DOK6: variants seen among roughly 807,000 people sequenced by gnomAD.
DOK6 encodes docking protein 6, also known as downstream of tyrosine kinase 6.
DOK6 carries 22 observed loss-of-function variants against 44.0 expected under a neutral mutation model. That is an observed-to-expected ratio of 0.50 (90% confidence interval 0.36 to 0.71). DOK6 has a LOEUF of 0.71. Ranked by LOEUF, DOK6 falls within the 30% of genes least tolerant of loss-of-function variation. DOK6 has a pLI of 0.00. For missense variants in DOK6, 340 were observed against 416.4 expected (o/e 0.82, Z 1.60); for synonymous variants, 166 against 145.5 (o/e 1.14, Z -1.01).
At chr18:69,475,272 A>C (rs1980228502) in intron 1 of DOK6, among the ~76,000 whole-genome samples, 1 of 152,190 alleles carries the variant, frequency 6.6e-6, no homozygotes, top group Non-Finnish European at 1.5e-5. Context: ...GAAAAACAAA[A>C]GTATTGATCT....
intron 5 of DOK6, among the ~76,000 whole-genome samples, chr18:69,712,098 G>A (rs1237802604): frequency 3.3e-5 from 5 of 149,680 alleles, no homozygotes; most frequent in Non-Finnish European, 5.9e-5. Context: ...CGGCTAAAAC[G>A]GTGAAACCCC....
At chr18:69,462,217 G>T (rs184044274) in intron 1 of DOK6, among the ~76,000 whole-genome samples, 1 of 152,176 alleles carries the variant, frequency 6.6e-6, no homozygotes, top group Admixed American at 6.5e-5. Context: ...CTATCATAAG[G>T]TTTATGAAAC....
intron 1 of DOK6, among the ~76,000 whole-genome samples, chr18:69,513,537 G>T (rs1981433754): frequency 6.6e-6 from 1 of 152,184 alleles, no homozygotes; most frequent in Non-Finnish European, 1.5e-5. Context: ...TAACCAACAT[G>T]ACATTGCTAG....
intron 1 of DOK6, among the ~76,000 whole-genome samples, chr18:69,408,971 G>A (rs369781547): frequency 6.6e-6 from 1 of 152,168 alleles, no homozygotes; most frequent in South Asian, 2.1e-4. Context: ...ACGTTGATGT[G>A]GTTTGGCTGT....
At chr18:69,634,181 AT>A (rs1207366310) in intron 3 of DOK6, among the ~76,000 whole-genome samples, 1 of 152,166 alleles carries the variant, frequency 6.6e-6, no homozygotes, top group Non-Finnish European at 1.5e-5. Context: ...GTCTAGTACA[AT>A]GGTAGTATGG....
chr18:69,600,175 G>C (rs182792343), intron 3 of DOK6, among the ~76,000 whole-genome samples: 4 of 127,920 alleles, frequency 3.1e-5, no homozygotes, highest in Non-Finnish European at 5.3e-5. Context: ...TTTGCAAGAT[G>C]TGAACTTAAA....
rs530742758 is a variant in DOK6, at chr18:69,760,286, C to T, written c.856+2413C>T. ...AAGAAATAAAAAGAGAAATTCAGAA[C>T]CTCAGCACCCTTCCACGAACACGTA... On this transcript the variant is annotated intron_variant, in intron 7 of 7. Transcript: ENST00000382713. Among the ~76,000 whole-genome samples the T allele has an allele frequency of 9.9e-5, 15 of 152,254 alleles. 1 individual carries two copies. The South Asian group carries it at 3.1e-3, about 32-fold the overall frequency.
intron 7 of DOK6, among the ~76,000 whole-genome samples, chr18:69,809,554 TCACACACACAGACACA>T (rs980805402): frequency 2.7e-5 from 2 of 74,682 alleles, no homozygotes; most frequent in African/African-American, 1.0e-4. Context: ...CCCTAAGACT[TCACACACACAGACACA>T]CACACACACA....
intron 3 of DOK6, among the ~76,000 whole-genome samples, chr18:69,607,937 TAAA>T (rs1274931640): frequency 1.3e-5 from 2 of 152,168 alleles, no homozygotes; most frequent in East Asian, 3.8e-4. Context: ...AAAACCCTTA[TAAA>T]GTGACAAGGA....
intron 7 of DOK6, among the ~76,000 whole-genome samples, chr18:69,826,070 T>C (rs1193707288): frequency 6.6e-6 from 1 of 152,186 alleles, no homozygotes; most frequent in African/African-American, 2.4e-5. Flanking sequence ...TACTTCAGTG[T>C]CCTCATCTAA....
At chr18:69,492,566 A>G (rs1056678958) in intron 1 of DOK6, among the ~76,000 whole-genome samples, 50 of 152,000 alleles carry the variant, frequency 3.3e-4, no homozygotes, top group Non-Finnish European at 1.8e-4. Flanking sequence ...TAGTTTTTCA[A>G]TCCTCACCCT....
At chr18:69,512,964 CTGGAGATGAATGT>C (rs1452552961) in intron 1 of DOK6, among the ~76,000 whole-genome samples, 2 of 152,222 alleles carry the variant, frequency 1.3e-5, no homozygotes, top group Non-Finnish European at 2.9e-5. Flanking sequence ...ATATGTATCA[CTGGAGATGAATGT>C]TAGCTAAATT....
At chr18:69,612,247 G>A (rs1216554139) in intron 3 of DOK6, among the ~76,000 whole-genome samples, 5 of 150,016 alleles carry the variant, frequency 3.3e-5, no homozygotes, top group African/African-American at 9.7e-5. Flanking sequence ...AGACAGTTGC[G>A]GAAAAAATTG....
chr18:69,825,715 C>A (rs1341028784), intron 7 of DOK6, among the ~76,000 whole-genome samples: 2 of 151,878 alleles, frequency 1.3e-5, no homozygotes, highest in Non-Finnish European at 2.9e-5. Context: ...GATTATTACT[C>A]ATAAAATAAA....
At chr18:69,503,623 T>C (rs1053720595) in intron 1 of DOK6, among the ~76,000 whole-genome samples, 3 of 152,026 alleles carry the variant, frequency 2.0e-5, no homozygotes, top group African/African-American at 7.2e-5. Context: ...ATAACACAAA[T>C]ACTTGTTTTT....
At chr18:69,483,407 A>G (rs1005509398) in intron 1 of DOK6, among the ~76,000 whole-genome samples, 1 of 152,022 alleles carries the variant, frequency 6.6e-6, no homozygotes, top group Non-Finnish European at 1.5e-5. Context: ...GCTGTTCTTT[A>G]ATGATACAGT....
intron 5 of DOK6, among the ~76,000 whole-genome samples, chr18:69,716,694 A>C (rs968668109): frequency 5.4e-4 from 12 of 22,412 alleles, no homozygotes; most frequent in South Asian, 2.0e-3. Flanking sequence ...AGAATTGACA[A>C]AAAAAAAAAA....
chr18:69,675,637 C>T (rs912281732), intron 3 of DOK6, among the ~76,000 whole-genome samples: 8 of 151,800 alleles, frequency 5.3e-5, no homozygotes, highest in African/African-American at 1.9e-4. Flanking sequence ...GCACGTTGTG[C>T]ACATGTACCC....
intron 2 of DOK6, among the ~76,000 whole-genome samples, chr18:69,598,087 T>C (rs1489853694): frequency 6.6e-6 from 1 of 152,150 alleles, no homozygotes; most frequent in Non-Finnish European, 1.5e-5. Flanking sequence ...TGTGTTCTTA[T>C]TGGGGATCTT....
Sources: allele counts gnomAD v4.1 joint callset (sites outside exome capture counted in the v4.1 genomes callset), GRCh38; gene constraint gnomAD v4.1.1; transcripts MANE v1.5; gene names NCBI Gene and HGNC (gene_info 2026-07-23, HGNC 2026-07-21).